The following HTT variants were observed in gnomAD, a reference collection of about 807,000 sequenced individuals.
The protein encoded by HTT is huntington disease protein.
HTT carries 104 observed loss-of-function variants against 362.3 expected under a neutral mutation model. The ratio of observed to expected loss-of-function variants is 0.29; its 90% CI spans 0.24 to 0.34. The LOEUF (loss-of-function observed/expected upper bound fraction) is 0.34, where lower values mean the gene tolerates loss of function less well. HTT is among the 10% of genes least tolerant of loss of function. The pLI, the probability that HTT is intolerant of heterozygous loss-of-function variation, is 1.00. For missense variants in HTT, 3,301 were observed against 3,928.6 expected (o/e 0.84, Z 4.27); for synonymous variants, 1,577 against 1,548.7 (o/e 1.02, Z -0.43).
intron 1 of HTT, among the ~76,000 whole-genome samples, chr4:3,077,048 C>T (rs1417535150): frequency 1.3e-5 from 2 of 151,906 alleles, no homozygotes; most frequent in African/African-American, 4.8e-5. Flanking sequence ...CATGGTGGCA[C>T]GTGCCTGTAA....
At chr4:3,177,009 A>C (rs1317399573) in intron 33 of HTT, among the ~76,000 whole-genome samples, 1 of 152,198 alleles carries the variant, frequency 6.6e-6, no homozygotes, top group Admixed American at 6.5e-5. Context: ...GTTTCAGGGA[A>C]TCTGTGCCAC....
At chr4:3,153,964 C>T (rs1717024335) in intron 26 of HTT, among the ~76,000 whole-genome samples, 1 of 152,142 alleles carries the variant, frequency 6.6e-6, no homozygotes, top group African/African-American at 2.4e-5. Context: ...GTCATGGCGT[C>T]ATGGCCAACA....
Position 3,206,602 on chromosome 4 carries a change from C to A in HTT, c.5825C>A (p.Ala1942Asp). The A allele has an allele frequency of 1.9e-6, 3 of 1,614,144 alleles. No homozygotes were observed. Among genetic ancestry groups the A allele is most frequent in the African/African-American group, 1.3e-5 (1 of 75,052 alleles). ...HEPPVQDFIS[A>D]VHRNSAASGL... Reference sequence around the variant, plus strand: ...CCTCCAGTACAGGACTTCATCAGTGCCGTTCATCGGAACTCTGCTGCCAGC... The same window carrying A: ...CCTCCAGTACAGGACTTCATCAGTGACGTTCATCGGAACTCTGCTGCCAGC... The change falls in exon 43 of 67, where the codon GCC (alanine) becomes GAC (aspartate). Residue 1942 changes from alanine to aspartate, a missense_variant. Around this residue, in one of 4 missense-constraint regions of HTT, gnomAD observed 2,316 missense variants for 2,658.5 expected, o/e 0.87. Coordinates refer to ENST00000355072, the MANE Select transcript of HTT (RefSeq NM_001388492.1). This position sits in a 1 kb window ranked among gnomAD's most constrained non-coding sequence, Gnocchi z 4.6.
At chr4:3,167,910 T>A (rs1717789134) in intron 29 of HTT, among the ~76,000 whole-genome samples, 1 of 152,242 alleles carries the variant, frequency 6.6e-6, no homozygotes, top group Non-Finnish European at 1.5e-5. Flanking sequence ...TCCTTTTTTG[T>A]TTTTCTAAGT....
intron 27 of HTT, among the ~76,000 whole-genome samples, chr4:3,154,676 T>C (rs1354552629): frequency 1.3e-5 from 2 of 152,232 alleles, no homozygotes; most frequent in Non-Finnish European, 2.9e-5. Flanking sequence ...AGCCCTAGCA[T>C]GGAGCATCAC....
chr4:3,116,000 A>G, intron 7 of HTT, 85 bp from the exon 8 acceptor site: 1 of 1,257,706 alleles, frequency 8.0e-7, no homozygotes, highest in Non-Finnish European at 1.1e-6. Flanking sequence ...TTGATCTCTC[A>G]GGATCTCTTC....
rs1721674451 is a variant in HTT, at chr4:3,238,895, G to A, written c.9132G>A (p.Thr3044=). ...TCATGCTGTCCCTCTCCAACTTCAC[G>A]CAGAGGGCCCCGGTCGCCATGGCCA... ...DWVMLSLSNF[T]QRAPVAMATW... is the part of the protein sequence containing the mutation. Residue 3044 remains threonine (T), a synonymous_variant, in exon 66 of 67, where the codon ACG becomes ACA. Transcript: ENST00000355072. The A allele has an allele frequency of 5.6e-6, 9 of 1,612,064 alleles. No individual in the cohort carries two copies. The highest frequency in any genetic ancestry group is 7.6e-6 in the Non-Finnish European group (9 of 1,179,712).
At position 3,206,565 on chromosome 4, in the gene HTT, C is replaced by T; in HGVS notation, c.5788C>T (p.Leu1930Phe). ...IVNHIQDLIS[L>F]SHEPPVQDFI... is the part of the protein sequence containing the mutation. ...AAATCACATTCAAGATCTGATCAGC[C>T]TTTCCCACGAGCCTCCAGTACAGGA... The change falls in exon 43 of 67, where the codon CTT (leucine) becomes TTT (phenylalanine). Residue 1930 changes from leucine to phenylalanine, a missense_variant. Leu to Phe is a conservative substitution (Grantham distance 22, BLOSUM62 0). Coordinates refer to ENST00000355072, the MANE Select transcript of HTT (RefSeq NM_001388492.1). The surrounding 1 kb of genome is among the most constrained non-coding windows in gnomAD (Gnocchi z 4.6). The T allele has an allele frequency of 6.2e-7, 1 of 1,614,114 alleles. No individual in the cohort carries two copies. The highest frequency in any genetic ancestry group is 8.5e-7 in the Non-Finnish European group (1 of 1,179,998).
intron 5 of HTT, among the ~76,000 whole-genome samples, chr4:3,106,229 G>A (rs1462550888): frequency 6.6e-6 from 1 of 152,128 alleles, no homozygotes; most frequent in Non-Finnish European, 1.5e-5. Context: ...GGTGGTGCGT[G>A]CCTGTGGTCA....
rs1721831885 is a variant in HTT at position 3,242,148 on chromosome 4, T to G, written c.*2089T>G. On this transcript the variant is annotated 3_prime_UTR_variant, in exon 67 of 67. Transcript: ENST00000355072. ...GTTGTTCCTGGCTAGATGTTTACAT[T>G]TGTAAGAAATAACACTGTGAATGTA... The G allele has an allele frequency of 1.3e-5, 2 of 152,220 alleles. No individual in the cohort carries two copies. The highest frequency in any genetic ancestry group is 4.1e-4 in the South Asian group (2 of 4,826). The allele number at this position is 152,220 out of a possible 1,614,324, so 9.4% of individuals were successfully genotyped here.
intron 40 of HTT, among the ~76,000 whole-genome samples, chr4:3,193,291 G>A (rs1231311185): frequency 2.6e-5 from 4 of 152,202 alleles, no homozygotes; most frequent in Non-Finnish European, 5.9e-5. Context: ...TAATTTTCTT[G>A]TTTCTTTTTA....
At chr4:3,189,114 T>C (rs1192503201) in intron 40 of HTT, 21 bp downstream of exon 40, 1 of 1,612,330 alleles carries the variant, frequency 6.2e-7, no homozygotes, top group Admixed American at 1.7e-5. Context: ...CACATTAGTC[T>C]TCCTGGAGTG....
chr4:3,154,605 G>A (rs1245876894), intron 27 of HTT, among the ~76,000 whole-genome samples, 186 bp downstream of exon 27: 1 of 152,212 alleles, frequency 6.6e-6, no homozygotes, highest in Non-Finnish European at 1.5e-5. Context: ...ACCACCTTTT[G>A]GTCTGAAGCA....
At chr4:3,080,049 A>C (rs533140792) in intron 1 of HTT, among the ~76,000 whole-genome samples, 1 of 152,228 alleles carries the variant, frequency 6.6e-6, no homozygotes, top group Non-Finnish European at 1.5e-5. Context: ...AGAAGACAAA[A>C]ATAAGTCTGG....
chr4:3,120,557 C>T (rs1376169270), intron 8 of HTT, among the ~76,000 whole-genome samples: 7 of 152,220 alleles, frequency 4.6e-5, no homozygotes, highest in Non-Finnish European at 1.0e-4. Context: ...CTGGCATTCC[C>T]ACCTGAGCAC....
intron 29 of HTT, among the ~76,000 whole-genome samples, chr4:3,161,694 A>G (rs1560574555): frequency 6.6e-6 from 1 of 152,034 alleles, no homozygotes; most frequent in East Asian, 1.9e-4. Context: ...ATTTTTTCGT[A>G]TGTCTGTTGG....
chr4:3,092,720 A>G (rs2110147890), intron 2 of HTT, among the ~76,000 whole-genome samples: 1 of 152,342 alleles, frequency 6.6e-6, no homozygotes, highest in East Asian at 1.9e-4. Context: ...ATATATTAAC[A>G]ATGTGTTAAA....
At position 3,206,227 on chromosome 4, in the gene HTT, T is replaced by A. The variant is rs1236576255; in HGVS notation, c.5719-269T>A. ...TTTGACCCTTGGCCATTTGTTAGTG[T>A]CTCTGAGAGCTGGACTGCTGTACCC... On this transcript the variant is annotated intron_variant, in intron 42 of 66. Transcript: ENST00000355072. This position sits in a 1 kb window ranked among gnomAD's most constrained non-coding sequence, Gnocchi z 4.6. 6.6e-6 allele frequency among the ~76,000 whole-genome samples: 1 copy of A among 152,238 alleles called. No individual in the cohort carries two copies. Among genetic ancestry groups the A allele is most frequent in the Non-Finnish European group, 1.5e-5 (1 of 68,042 alleles).
chr4:3,199,540 C>CA (rs35872985), intron 40 of HTT, among the ~76,000 whole-genome samples, 192 bp from the exon 41 acceptor site: 443 of 111,316 alleles, frequency 4.0e-3, no homozygotes, highest in South Asian at 6.0e-3. Context: ...AACTCTATCT[C>CA]AAAAAAAAAA....
Sources: allele counts gnomAD v4.1 joint callset (sites outside exome capture counted in the v4.1 genomes callset), GRCh38; gene constraint gnomAD v4.1.1; regional missense constraint gnomAD v4.1.1; non-coding constraint Gnocchi (gnomAD v3.1); transcripts MANE v1.5; gene names NCBI Gene and HGNC (gene_info 2026-07-23, HGNC 2026-07-21).